Variants in FAM227B observed in about 807,000 individuals in gnomAD.
The protein encoded by FAM227B is family with sequence similarity 227 member B, also known as protein FAM227B.
In FAM227B, 88 loss-of-function variants were observed where a neutral mutation model predicts 73.8. The observed-to-expected ratio is 1.19, with a 90% CI of 1.00 to 1.42. The LOEUF (loss-of-function observed/expected upper bound fraction) is 1.42. Ranked by LOEUF, FAM227B falls within the 40% of genes most tolerant of loss-of-function variation. The pLI, the probability that FAM227B is intolerant of heterozygous loss-of-function variation, is 0.00. For synonymous variants in FAM227B, 210 were observed against 190.5 expected (o/e 1.10, Z -0.84); for missense variants, 632 against 590.9 (o/e 1.07, Z -0.72).
At chr15:49,395,761 A>G (rs181837026) in intron 11 of FAM227B, among the ~76,000 whole-genome samples, 7 of 152,350 alleles carry the variant, frequency 4.6e-5, no homozygotes, top group Admixed American at 4.6e-4. Context: ...AGTCTTGCAA[A>G]TACCTGGTTG....
intron 11 of FAM227B, among the ~76,000 whole-genome samples, chr15:49,465,528 C>T (rs545022779): frequency 3.9e-5 from 6 of 152,110 alleles, no homozygotes; most frequent in Non-Finnish European, 8.8e-5. Context: ...AGTTGTTACC[C>T]ATAATATGAG....
At chr15:49,438,429 C>T (rs897063550) in intron 11 of FAM227B, among the ~76,000 whole-genome samples, 1 of 151,572 alleles carries the variant, frequency 6.6e-6, no homozygotes, top group Non-Finnish European at 1.5e-5. Context: ...GTCTTTGATA[C>T]AGGGATTTAT....
At position 49,605,229 on chromosome 15, in the gene FAM227B, C is replaced by A. The variant is rs943258876; in HGVS notation, c.105+5986G>T. 5.9e-5 allele frequency among the ~76,000 whole-genome samples: 9 copies of A among 152,224 alleles called. 1 individual carries two copies. The highest frequency in any genetic ancestry group is 1.3e-4 in the Non-Finnish European group (9 of 68,026). On this transcript the variant is annotated intron_variant, in intron 3 of 15. Coordinates refer to ENST00000299338, the MANE Select transcript of FAM227B (RefSeq NM_152647.3). ...CCAGCTGGTGGGGTCCATGGACTTC[C>A]TGTTGGAATTGTCAGGTAAGCTGAC...
intron 13 of FAM227B, among the ~76,000 whole-genome samples, chr15:49,342,352 G>A (rs1350052834): frequency 6.6e-6 from 1 of 152,056 alleles, no homozygotes; most frequent in African/African-American, 2.4e-5. Flanking sequence ...AGTGACTCCT[G>A]CTCTTTTTTG....
intron 13 of FAM227B, among the ~76,000 whole-genome samples, chr15:49,357,549 A>T (rs895140731): frequency 6.6e-6 from 1 of 152,094 alleles, no homozygotes; most frequent in South Asian, 2.1e-4. Flanking sequence ...AAGAAGTTGA[A>T]TCTCTGAACA....
intron 11 of FAM227B, among the ~76,000 whole-genome samples, chr15:49,387,498 A>G (rs1330191907): frequency 6.6e-6 from 1 of 151,758 alleles, no homozygotes; most frequent in Non-Finnish European, 1.5e-5. Context: ...TAAAATCCAT[A>G]TATGACAAAC....
At chr15:49,608,590 A>C (rs925007588) in intron 3 of FAM227B, among the ~76,000 whole-genome samples, 1 of 152,142 alleles carries the variant, frequency 6.6e-6, no homozygotes, top group African/African-American at 2.4e-5. Flanking sequence ...ATAAGGATTT[A>C]AATGGATTAA....
intron 13 of FAM227B, among the ~76,000 whole-genome samples, chr15:49,336,608 T>C (rs1375807330): frequency 6.6e-6 from 1 of 152,270 alleles, no homozygotes; most frequent in African/African-American, 2.4e-5. Flanking sequence ...TTCAAGGCTG[T>C]TCCTGATGCT....
chr15:49,335,511 A>C lies in FAM227B; in HGVS notation c.1272-15T>G. Reference sequence around the variant, plus strand: ...GAGCAGGTAGTGTGCTAGGCTTATTATTAAGGAATGATTTTCAATTAGGAA... The same window carrying C: ...GAGCAGGTAGTGTGCTAGGCTTATTCTTAAGGAATGATTTTCAATTAGGAA... On this transcript the variant is annotated splice_polypyrimidine_tract_variant and intron_variant, in intron 13 of 15. Transcript: ENST00000299338. 6.3e-7 allele frequency: 1 copy of C among 1,595,930 alleles called. No homozygotes were observed. Among genetic ancestry groups the C allele is most frequent in the East Asian group, 2.2e-5 (1 of 44,784 alleles).
chr15:49,607,659 C>T (rs1343710041), intron 3 of FAM227B, among the ~76,000 whole-genome samples: 1 of 152,150 alleles, frequency 6.6e-6, no homozygotes, highest in African/African-American at 2.4e-5. Flanking sequence ...ATATTATGAG[C>T]TGAATAAAGT....
intron 11 of FAM227B, among the ~76,000 whole-genome samples, chr15:49,420,604 C>G (rs1355383501): frequency 6.6e-6 from 1 of 152,014 alleles, no homozygotes; most frequent in Non-Finnish European, 1.5e-5. Flanking sequence ...TGAAAACTGA[C>G]AGGATATGGA....
intron 5 of FAM227B, among the ~76,000 whole-genome samples, chr15:49,581,661 G>T (rs1210294195): frequency 6.6e-6 from 1 of 152,052 alleles, no homozygotes; most frequent in African/African-American, 2.4e-5. Context: ...TAAGAATTTC[G>T]TATCTAGCCA....
intron 11 of FAM227B, among the ~76,000 whole-genome samples, chr15:49,427,836 A>G (rs2050259173): frequency 6.6e-6 from 1 of 151,932 alleles, no homozygotes; most frequent in Non-Finnish European, 1.5e-5. Flanking sequence ...AGATGGTTGG[A>G]GGGCATGGAG....
chr15:49,340,938 G>A (rs1392935787), intron 13 of FAM227B, among the ~76,000 whole-genome samples: 1 of 152,144 alleles, frequency 6.6e-6, no homozygotes, highest in Non-Finnish European at 1.5e-5. Flanking sequence ...GTTAATTTTT[G>A]TATATGATGA....
chr15:49,586,777 A>G (rs2152399587), intron 5 of FAM227B, among the ~76,000 whole-genome samples: 1 of 152,268 alleles, frequency 6.6e-6, no homozygotes. Flanking sequence ...CATGAAAAAA[A>G]CTCAACATCA....
At chr15:49,581,218 G>T (rs529591294) in intron 5 of FAM227B, among the ~76,000 whole-genome samples, 1 of 152,258 alleles carries the variant, frequency 6.6e-6, no homozygotes, top group Admixed American at 6.5e-5. Context: ...TATTAAATGT[G>T]GCTAGAGAGA....
chr15:49,434,560 C>T (rs569513231), intron 11 of FAM227B: 1 of 151,582 alleles, frequency 6.6e-6, no homozygotes, highest in South Asian at 2.1e-4. Flanking sequence ...AGAGGAAATG[C>T]TTTTTGTAGA....
chr15:49,392,020 G>T (rs1236671427), intron 11 of FAM227B, among the ~76,000 whole-genome samples: 1 of 151,976 alleles, frequency 6.6e-6, no homozygotes, highest in African/African-American at 2.4e-5. Context: ...AGTAGACAAC[G>T]AGAAAAACAC....
chr15:49,444,045 T>C (rs1597230354), intron 11 of FAM227B, among the ~76,000 whole-genome samples: 1 of 151,700 alleles, frequency 6.6e-6, no homozygotes, highest in Admixed American at 6.6e-5. Context: ...TAAACTAACA[T>C]TGTGCTGGGC....
Sources: allele counts gnomAD v4.1 joint callset (sites outside exome capture counted in the v4.1 genomes callset), GRCh38; gene constraint gnomAD v4.1.1; transcripts MANE v1.5; gene names NCBI Gene and HGNC (gene_info 2026-07-23, HGNC 2026-07-21).